SNX13: variants seen among roughly 807,000 people sequenced by gnomAD.
SNX13 encodes sorting nexin 13.
In SNX13, 45 loss-of-function variants were observed where a neutral mutation model predicts 133.6. That is an observed-to-expected ratio of 0.34 (90% CI 0.27 to 0.43). The LOEUF (loss-of-function observed/expected upper bound fraction) is 0.43. Ranked by LOEUF, SNX13 falls within the 20% of genes least tolerant of loss-of-function variation. The probability of loss-of-function intolerance (pLI) is 1.00; values close to 1 mark genes in which losing one functional copy is unlikely to be tolerated. For synonymous variants in SNX13, 414 were observed against 373.9 expected (o/e 1.11, Z -1.24); for missense variants, 1,032 against 1,145.1 (o/e 0.90, Z 1.43).
intron 9 of SNX13, among the ~76,000 whole-genome samples, chr7:17,858,879 C>T (rs926842524): frequency 1.3e-5 from 2 of 151,998 alleles, no homozygotes; most frequent in Non-Finnish European, 2.9e-5. Context: ...GTCTTTTCAA[C>T]AAATGGTGCT....
chr7:17,794,336 C>A, intron 25 of SNX13, 44 bp from the exon 26 acceptor site: 1 of 1,576,232 alleles, frequency 6.3e-7, no homozygotes. Flanking sequence ...TCAAAGGAAA[C>A]ACAAGGCCTA....
intron 4 of SNX13, 25 bp downstream of exon 4, chr7:17,891,521 T>A (rs751098434): frequency 6.4e-7 from 1 of 1,557,540 alleles, no homozygotes; most frequent in South Asian, 1.1e-5. Flanking sequence ...TATATAGAAT[T>A]CAAATACCAC....
chr7:17,807,490 A>G (rs1488554267), intron 20 of SNX13, among the ~76,000 whole-genome samples: 1 of 152,152 alleles, frequency 6.6e-6, no homozygotes, highest in Non-Finnish European at 1.5e-5. Flanking sequence ...TAAAACTCCA[A>G]TCTCCCTGGG....
At chr7:17,826,445 A>G (rs769951701) in intron 16 of SNX13, among the ~76,000 whole-genome samples, 5 of 152,078 alleles carry the variant, frequency 3.3e-5, no homozygotes, top group African/African-American at 1.2e-4. Context: ...TAACATTTAC[A>G]TTGAAATATA....
intron 15 of SNX13, chr7:17,831,419 T>A: frequency 1.0e-5 from 9 of 875,638 alleles, no homozygotes; most frequent in Non-Finnish European, 1.2e-5. Flanking sequence ...CTAAAGAAAG[T>A]AATAATGAAT....
intron 17 of SNX13, among the ~76,000 whole-genome samples, chr7:17,825,284 C>CTAGAG (rs1411510558): frequency 1.3e-5 from 2 of 151,900 alleles, no homozygotes; most frequent in Non-Finnish European, 2.9e-5. Flanking sequence ...CTAGACTAGA[C>CTAGAG]TAGACTAGAC....
In SNX13 at chr7:17,892,496, A is replaced by G. The variant is rs111464397; in HGVS notation, c.228+836T>C. On this transcript the variant is annotated intron_variant, in intron 3 of 25. Coordinates refer to ENST00000428135, the MANE Select transcript of SNX13 (RefSeq NM_015132.5). Reference sequence around the variant, plus strand: ...AGGAAAGGTTAATTTCCTAAGACTTATAAGTAAAAAAAAAAAAATACATAT... The same window carrying G: ...AGGAAAGGTTAATTTCCTAAGACTTGTAAGTAAAAAAAAAAAAATACATAT... 1.8e-4 allele frequency among the ~76,000 whole-genome samples: 27 copies of G among 151,720 alleles called. 2 individuals are homozygous for G. Among genetic ancestry groups the G allele is most frequent in the African/African-American group, 6.5e-4 (27 of 41,472 alleles).
In SNX13 at chr7:17,826,060, T is replaced by C. The variant is rs1256592474; in HGVS notation, c.1667A>G (p.Asp556Gly). 1 of 1,557,436 alleles carries C rather than the reference T, an allele frequency of 6.4e-7. No individual in the cohort carries two copies. The highest frequency in any genetic ancestry group is 8.7e-7 in the Non-Finnish European group (1 of 1,149,550). Residue 556 changes from aspartate to glycine, a missense_variant, in exon 17 of 26, where the codon GAT (aspartate) becomes GGT (glycine). Asp to Gly is a moderately conservative substitution (Grantham distance 94). Transcript: ENST00000428135. ...GTAGGCATGAAGTTGTACTGAGTCA[T>C]CAGAAGAAACATTTGAAAGGTCATC... ...SLDDLSNVSS[D>G]DSVQLHAYIS...
chr7:17,796,977 C>A (rs771750793), intron 24 of SNX13, 38 bp from the exon 25 acceptor site: 1 of 1,381,346 alleles, frequency 7.2e-7, no homozygotes, highest in East Asian at 2.3e-5. Flanking sequence ...TAAACATTTT[C>A]ATTTTCTAAT....
intron 9 of SNX13, among the ~76,000 whole-genome samples, chr7:17,864,518 G>T (rs1176368944): frequency 6.6e-6 from 1 of 152,078 alleles, no homozygotes; most frequent in Non-Finnish European, 1.5e-5. Flanking sequence ...CTAGAAAACA[G>T]TGTCATAAGG....
intron 1 of SNX13, among the ~76,000 whole-genome samples, chr7:17,904,620 C>T (rs1197838444): frequency 1.3e-5 from 2 of 152,152 alleles, no homozygotes; most frequent in African/African-American, 4.8e-5. Flanking sequence ...ATGGGGTCAA[C>T]CACTCTCCAA....
At chr7:17,902,003 G>A (rs1797891624) in intron 1 of SNX13, among the ~76,000 whole-genome samples, 1 of 152,130 alleles carries the variant, frequency 6.6e-6, no homozygotes, top group Non-Finnish European at 1.5e-5. Flanking sequence ...TTTCAAAAAA[G>A]AGTCAAAATG....
At chr7:17,865,179 C>T (rs1309595624) in intron 9 of SNX13, among the ~76,000 whole-genome samples, 2 of 152,146 alleles carry the variant, frequency 1.3e-5, no homozygotes, top group Admixed American at 6.6e-5. Flanking sequence ...CTCATTGATA[C>T]TAAGTACACA....
intron 9 of SNX13, among the ~76,000 whole-genome samples, chr7:17,864,871 A>G (rs1252557701): frequency 6.6e-6 from 1 of 152,022 alleles, no homozygotes; most frequent in Non-Finnish European, 1.5e-5. Flanking sequence ...AAATAACACA[A>G]AGGAGCTCTG....
chr7:17,849,859 T>C (rs1790998670), intron 11 of SNX13, among the ~76,000 whole-genome samples: 1 of 152,236 alleles, frequency 6.6e-6, no homozygotes, highest in African/African-American at 2.4e-5. Flanking sequence ...TCTTGGAACC[T>C]ATCTAAACCA....
intron 25 of SNX13, chr7:17,794,998 G>C (rs530639479): frequency 6.6e-6 from 1 of 151,632 alleles, no homozygotes; most frequent in South Asian, 2.1e-4. Flanking sequence ...ATTTTGATAG[G>C]TGCAATGAGA....
intron 1 of SNX13, among the ~76,000 whole-genome samples, chr7:17,902,281 T>C (rs1340417627): frequency 6.6e-6 from 1 of 151,022 alleles, no homozygotes; most frequent in African/African-American, 2.4e-5. Context: ...AAAAAGATTC[T>C]TTCCTTAATT....
chr7:17,880,506 T>C (rs1278191189), intron 5 of SNX13: 1 of 152,204 alleles, frequency 6.6e-6, no homozygotes, highest in Non-Finnish European at 1.5e-5. Context: ...AAATCACCAA[T>C]ATTCAGGTCA....
At chr7:17,845,097 G>C (rs1790331770) in intron 12 of SNX13, among the ~76,000 whole-genome samples, 1 of 152,014 alleles carries the variant, frequency 6.6e-6, no homozygotes, top group South Asian at 2.1e-4. Context: ...GAGAAATTAG[G>C]AAAAGTGGAG....
Sources: allele counts gnomAD v4.1 joint callset (sites outside exome capture counted in the v4.1 genomes callset), GRCh38; gene constraint gnomAD v4.1.1; transcripts MANE v1.5; gene names NCBI Gene and HGNC (gene_info 2026-07-23, HGNC 2026-07-21).